The following CADM2 variants were observed in gnomAD, a reference collection of about 807,000 sequenced individuals.
CADM2 encodes immunoglobulin superfamily member 4D.
CADM2 carries 12 observed loss-of-function variants against 49.8 expected under a neutral mutation model. The observed-to-expected ratio is 0.24, with a 90% CI of 0.15 to 0.39. The LOEUF (loss-of-function observed/expected upper bound fraction) is 0.39. CADM2 is among the 10% of genes least tolerant of loss of function. CADM2 has a pLI of 1.00. For missense variants in CADM2, 378 were observed against 492.3 expected, an observed-to-expected ratio of 0.77 and a Z score of 2.20; for synonymous variants, 214 against 175.4, an observed-to-expected ratio of 1.22 and a Z score of -1.74.
At chr3:85,527,458 A>C (rs1220785166) in intron 1 of CADM2, among the ~76,000 whole-genome samples, 1 of 105,590 alleles carries the variant, frequency 9.5e-6, no homozygotes, top group East Asian at 4.4e-4. Context: ...TACAAACTCT[A>C]TAAAATGGTA....
chr3:85,906,891 A>G (rs971765184), intron 5 of CADM2, among the ~76,000 whole-genome samples: 1 of 152,212 alleles, frequency 6.6e-6, no homozygotes, highest in Non-Finnish European at 1.5e-5. Context: ...AAGTATTGAC[A>G]TTTCCTCTAA....
chr3:85,327,591 A>ACACACACACAC, intron 1 of CADM2, among the ~76,000 whole-genome samples: 1 of 127,246 alleles, frequency 7.9e-6, no homozygotes, highest in East Asian at 2.1e-4. Flanking sequence ...CACACACACC[A>ACACACACACAC]CACACACACA....
chr3:85,335,533 T>TTCA (rs1432347584), intron 1 of CADM2, among the ~76,000 whole-genome samples: 1 of 151,506 alleles, frequency 6.6e-6, no homozygotes, highest in Non-Finnish European at 1.5e-5. Flanking sequence ...TATTAGCATA[T>TTCA]TCATCATCTC....
Position 84,959,064 on chromosome 3 carries a change from G to A in CADM2, c.-544G>A. On this transcript the variant is annotated 5_prime_UTR_variant, in exon 1 of 10. Coordinates refer to ENST00000383699, the MANE Select transcript of CADM2 (RefSeq NM_001167675.2). ...GCCGGAGCATCCGGGAGCCGCCACT[G>A]CCGCCGCCGCTGCCGCTGCTACCGC... The A allele has an allele frequency of 5.0e-6, 1 of 201,234 alleles. No homozygotes were observed. The highest frequency in any genetic ancestry group is 6.7e-5 in the South Asian group (1 of 14,980). The allele number at this position is 201,234 out of a possible 1,614,324, so 12.5% of individuals were successfully genotyped here.
At chr3:85,979,367 G>T (rs1382983022) in intron 8 of CADM2, 1 of 1,454,836 alleles carries the variant, frequency 6.9e-7, no homozygotes, top group Non-Finnish European at 9.3e-7. Flanking sequence ...AAAACATTGA[G>T]ATTCAATTTT....
At chr3:85,427,214 T>C (rs1479892604) in intron 1 of CADM2, among the ~76,000 whole-genome samples, 1 of 146,444 alleles carries the variant, frequency 6.8e-6, no homozygotes, top group African/African-American at 2.6e-5. Context: ...ATAATAAGTT[T>C]GTAGCTACCA....
intron 2 of CADM2, among the ~76,000 whole-genome samples, chr3:85,778,509 T>C (rs907716835): frequency 2.0e-5 from 3 of 152,090 alleles, no homozygotes; most frequent in African/African-American, 7.2e-5. Context: ...GATGGATTTA[T>C]AAACATTTGG....
At chr3:85,129,283 A>G (rs1237835169) in intron 1 of CADM2, among the ~76,000 whole-genome samples, 2 of 152,110 alleles carry the variant, frequency 1.3e-5, no homozygotes, top group East Asian at 1.9e-4. Context: ...CTTAAATAAT[A>G]ATCTTTAAAC....
intron 7 of CADM2, among the ~76,000 whole-genome samples, chr3:85,942,504 T>G (rs1649015191): frequency 8.5e-6 from 1 of 117,594 alleles, no homozygotes; most frequent in African/African-American, 3.0e-5. Context: ...CCCACAACAG[T>G]CCCCAGAGTG....
chr3:85,838,143 C>T (rs2074484333), intron 3 of CADM2, among the ~76,000 whole-genome samples: 1 of 151,742 alleles, frequency 6.6e-6, no homozygotes, highest in Admixed American at 6.6e-5. Flanking sequence ...GTTAAAGAAC[C>T]ATCACTGGGG....
chr3:85,340,114 T>G (rs1038933737), intron 1 of CADM2, among the ~76,000 whole-genome samples: 3 of 151,506 alleles, frequency 2.0e-5, no homozygotes, highest in Non-Finnish European at 4.4e-5. Context: ...TCAGTAGAGA[T>G]ATTAATTTGA....
intron 1 of CADM2, among the ~76,000 whole-genome samples, chr3:85,329,567 C>G (rs1241753141): frequency 2.0e-5 from 3 of 151,978 alleles, no homozygotes; most frequent in African/African-American, 7.3e-5. Flanking sequence ...GCCTGGGCGA[C>G]AGAACAAGAC....
chr3:85,869,591 C>T (rs185251353), intron 3 of CADM2, among the ~76,000 whole-genome samples: 71 of 152,160 alleles, frequency 4.7e-4, no homozygotes, highest in African/African-American at 1.6e-3. Context: ...TCTGTACAAC[C>T]ACCATGCTCG....
At chr3:85,288,854 G>A (rs1474639970) in intron 1 of CADM2, among the ~76,000 whole-genome samples, 1 of 135,496 alleles carries the variant, frequency 7.4e-6, no homozygotes, top group Non-Finnish European at 1.5e-5. Context: ...GACCTTTATT[G>A]TTTTCTTGAT....
chr3:85,630,230 A>G (rs551473231), intron 1 of CADM2, among the ~76,000 whole-genome samples: 1 of 151,824 alleles, frequency 6.6e-6, no homozygotes, highest in Admixed American at 6.6e-5. Flanking sequence ...ATCTTTTTTT[A>G]TCTCACCCCA....
intron 1 of CADM2, among the ~76,000 whole-genome samples, chr3:85,705,352 G>C (rs2066911762): frequency 6.6e-6 from 1 of 151,936 alleles, no homozygotes; most frequent in African/African-American, 2.4e-5. Flanking sequence ...GTCAGGTACT[G>C]TTACTGTCTT....
intron 6 of CADM2, among the ~76,000 whole-genome samples, chr3:85,925,362 A>G (rs1217306855): frequency 6.6e-6 from 1 of 152,250 alleles, no homozygotes; most frequent in African/African-American, 2.4e-5. Flanking sequence ...ATAAATAATG[A>G]TTGCCACAGA....
intron 1 of CADM2, among the ~76,000 whole-genome samples, chr3:85,652,840 T>A (rs4482674): frequency 2.9e-5 from 4 of 139,052 alleles, no homozygotes; most frequent in Non-Finnish European, 3.0e-5. Flanking sequence ...TGCAATGACA[T>A]GATCTCGGTT....
intron 1 of CADM2, among the ~76,000 whole-genome samples, chr3:84,974,713 A>C (rs577188602): frequency 3.9e-5 from 6 of 152,078 alleles, no homozygotes; most frequent in African/African-American, 1.4e-4. Flanking sequence ...CATTGTTTTC[A>C]GCAGTATTTT....
Sources: gnomAD v4.1 joint callset for allele counts (sites outside exome capture counted in the v4.1 genomes callset) on GRCh38, gnomAD v4.1.1 for gene constraint, MANE v1.5 for transcripts, NCBI Gene and HGNC (gene_info 2026-07-23, HGNC 2026-07-21) for gene names.